RASGEF1A: variants seen among roughly 807,000 people sequenced by gnomAD.
The protein encoded by RASGEF1A is ras-GEF domain-containing family member 1A.
RASGEF1A carries 18 observed loss-of-function variants against 56.4 expected under a neutral mutation model. That is an observed-to-expected ratio of 0.32 (90% confidence interval 0.22 to 0.47). The LOEUF (loss-of-function observed/expected upper bound fraction) is 0.47, where lower values mean the gene tolerates loss of function less well. Ranked by LOEUF, RASGEF1A falls within the 20% of genes least tolerant of loss-of-function variation. The pLI, the probability that RASGEF1A is intolerant of heterozygous loss-of-function variation, is 1.00. For missense variants in RASGEF1A, 422 were observed against 627.1 expected (o/e 0.67, Z 3.49); for synonymous variants, 245 against 242.6 (o/e 1.01, Z -0.09).
At chr10:43,254,920 C>T (rs371362077) in intron 1 of RASGEF1A, among the ~76,000 whole-genome samples, 1 of 152,126 alleles carries the variant, frequency 6.6e-6, no homozygotes, top group East Asian at 1.9e-4. Flanking sequence ...TAGCTGGTAG[C>T]CCCAGGGCCC....
At chr10:43,202,040 C>G in intron 3 of RASGEF1A, 95 bp from the exon 4 acceptor site, 1 of 1,372,928 alleles carries the variant, frequency 7.3e-7, no homozygotes, top group South Asian at 1.5e-5. Flanking sequence ...CAAGCCACAC[C>G]CCAGGCCCTG....
intron 4 of RASGEF1A, 133 bp from the exon 5 acceptor site, chr10:43,201,021 C>A (rs1564528743): frequency 9.4e-6 from 7 of 745,756 alleles, no homozygotes; most frequent in Admixed American, 2.5e-5. Context: ...TAAACCGCAG[C>A]CTTCAGGCCT....
chr10:43,200,634 CCA>C (rs1302624928), intron 5 of RASGEF1A, 31 bp downstream of exon 5: 1 of 1,577,296 alleles, frequency 6.3e-7, no homozygotes, highest in South Asian at 1.1e-5. Flanking sequence ...CCCACAGCCC[CCA>C]CCCCCAGTCA....
Position 43,199,177 on chromosome 10 carries a change from G to A in RASGEF1A, c.867C>T (p.His289=), listed in dbSNP as rs1197489535. The A allele has an allele frequency of 2.5e-6, 4 of 1,611,206 alleles. No homozygotes were observed. The highest frequency in any genetic ancestry group is 1.3e-5 in the African/African-American group (1 of 74,892). ...TEVCRVVKKK[H]RTRMLEFFID... is the part of the protein sequence containing the mutation. Reference sequence around the variant, plus strand: ...TGAAGAACTCCAACATGCGGGTCCGGTGTTTCTTCTTCACCACCTGGAAGG... The same window carrying A: ...TGAAGAACTCCAACATGCGGGTCCGATGTTTCTTCTTCACCACCTGGAAGG... Residue 289 remains histidine (H), a synonymous_variant, in exon 8 of 13, where the codon CAC becomes CAT. Transcript: ENST00000395810.
intron 1 of RASGEF1A, among the ~76,000 whole-genome samples, chr10:43,234,222 T>C (rs1282387577): frequency 6.6e-6 from 1 of 151,790 alleles, no homozygotes; most frequent in Non-Finnish European, 1.5e-5. Flanking sequence ...GAGAGAAAAA[T>C]AAGAGAGAAC....
intron 1 of RASGEF1A, among the ~76,000 whole-genome samples, chr10:43,248,035 T>C (rs1371093500): frequency 7.1e-6 from 1 of 141,400 alleles, no homozygotes; most frequent in East Asian, 2.1e-4. Flanking sequence ...CCCCCATTTC[T>C]ATTTATAAAA....
intron 1 of RASGEF1A, among the ~76,000 whole-genome samples, chr10:43,259,649 C>CTGGGGTCT (rs1836491129): frequency 6.6e-6 from 1 of 152,222 alleles, no homozygotes; most frequent in Non-Finnish European, 1.5e-5. Flanking sequence ...CCAGCCCATG[C>CTGGGGTCT]ACTGAGTCAT....
chr10:43,222,690 C>G (rs907433865), intron 1 of RASGEF1A, among the ~76,000 whole-genome samples: 2 of 152,232 alleles, frequency 1.3e-5, no homozygotes, highest in Non-Finnish European at 2.9e-5. Context: ...TAAATGGAAG[C>G]AAGTGCTTCC....
intron 1 of RASGEF1A, among the ~76,000 whole-genome samples, chr10:43,219,603 C>T (rs2133201230): frequency 6.6e-6 from 1 of 152,320 alleles, no homozygotes; most frequent in South Asian, 2.1e-4. Flanking sequence ...TCCAGCCAGC[C>T]CTGGAGTCAG....
At chr10:43,235,297 T>A (rs987112950) in intron 1 of RASGEF1A, among the ~76,000 whole-genome samples, 1 of 152,252 alleles carries the variant, frequency 6.6e-6, no homozygotes, top group Non-Finnish European at 1.5e-5. Context: ...CCCAGTCGTC[T>A]GAGTCAGAGC....
chr10:43,204,502 G>A (rs1237316806), intron 2 of RASGEF1A, among the ~76,000 whole-genome samples: 1 of 152,218 alleles, frequency 6.6e-6, no homozygotes, highest in African/African-American at 2.4e-5. Flanking sequence ...CCCTTCTAAG[G>A]AGACAACTAA....
chr10:43,261,696 T>TCCTA (rs1836531524), intron 1 of RASGEF1A, among the ~76,000 whole-genome samples: 1 of 151,922 alleles, frequency 6.6e-6, no homozygotes, highest in Non-Finnish European at 1.5e-5. Context: ...GAGGCTTGGG[T>TCCTA]CCTAGCAACT....
intron 1 of RASGEF1A, among the ~76,000 whole-genome samples, chr10:43,250,356 C>G (rs899620513): frequency 6.6e-6 from 1 of 152,204 alleles, no homozygotes; most frequent in African/African-American, 2.4e-5. Context: ...GACGCAGAGA[C>G]CACCTCCCAG....
chr10:43,230,381 C>T (rs1303757428), intron 1 of RASGEF1A, among the ~76,000 whole-genome samples: 2 of 152,208 alleles, frequency 1.3e-5, no homozygotes, highest in Non-Finnish European at 2.9e-5. Context: ...AGGCTCCTCC[C>T]GCCCCCAGAG....
At chr10:43,223,078 T>C (rs535262324) in intron 1 of RASGEF1A, among the ~76,000 whole-genome samples, 1 of 152,212 alleles carries the variant, frequency 6.6e-6, no homozygotes, top group East Asian at 1.9e-4. Flanking sequence ...AGTGAGCACC[T>C]CTTCATGCTA....
At chr10:43,229,928 C>T (rs1211295855) in intron 1 of RASGEF1A, among the ~76,000 whole-genome samples, 1 of 151,920 alleles carries the variant, frequency 6.6e-6, no homozygotes, top group Non-Finnish European at 1.5e-5. Flanking sequence ...GGACCCGGGG[C>T]GGCCTGGAGC....
chr10:43,236,937 T>C (rs531247294), intron 1 of RASGEF1A, among the ~76,000 whole-genome samples: 55 of 151,038 alleles, frequency 3.6e-4, no homozygotes, highest in Non-Finnish European at 5.5e-4. Flanking sequence ...TGTGGGAGGG[T>C]CTCAGGGCCA....
rs117940555 is a variant in RASGEF1A at position 43,252,814 on chromosome 10, G to A, written c.-7+14031C>T. Among the ~76,000 whole-genome samples, 1,371 of 152,038 alleles carry A rather than the reference G, an allele frequency of 9.0e-3. 13 individuals carry two copies. Among genetic ancestry groups the A allele is most frequent in the Admixed American group, 0.013 (203 of 15,278 alleles). ...GCTGCACACCCAGTGACTGGCTCGC[G>A]GCGGGAGGCAGCACCCGAGAGAGGA... On this transcript the variant is annotated intron_variant, in intron 1 of 12. Coordinates refer to ENST00000395810, the MANE Select transcript of RASGEF1A (RefSeq NM_145313.4).
rs779691637 is a variant in RASGEF1A at position 43,197,033 on chromosome 10, C to T, written c.1291G>A (p.Glu431Lys). The T allele has an allele frequency of 3.7e-6, 6 of 1,613,864 alleles. No homozygotes were observed. The highest frequency in any genetic ancestry group is 1.7e-5 in the Admixed American group (1 of 60,006). Residue 431 changes from glutamate (E) to lysine (K), a missense_variant, in exon 11 of 13, where the codon GAG (glutamate) becomes AAG (lysine). Coordinates refer to ENST00000395810, the MANE Select transcript of RASGEF1A (RefSeq NM_145313.4). ...MTWTQVECPFEKDKKIQSYLL... is the reference protein window; with the variant it reads ...MTWTQVECPFKKDKKIQSYLL... Reference sequence around the variant, plus strand: ...TAACTCTGAATCTTCTTGTCCTTCTCGAAAGGACACTCTACCTGTGTCCAT... The same window carrying T: ...TAACTCTGAATCTTCTTGTCCTTCTTGAAAGGACACTCTACCTGTGTCCAT...
Sources: allele counts gnomAD v4.1 joint callset (sites outside exome capture counted in the v4.1 genomes callset), GRCh38; gene constraint gnomAD v4.1.1; transcripts MANE v1.5; gene names NCBI Gene and HGNC (gene_info 2026-07-23, HGNC 2026-07-21).